The following MYH10 variants were observed in gnomAD, a reference collection of about 807,000 sequenced individuals.
The protein encoded by MYH10 is myosin heavy chain 10, also known as myosin-10.
A neutral mutation model predicts 257.8 loss-of-function variants in MYH10; 55 were observed. The observed-to-expected ratio is 0.21, with a 90% CI of 0.17 to 0.27. The LOEUF is 0.27. MYH10 is among the 10% of genes least tolerant of loss of function. The probability of loss-of-function intolerance (pLI) is 1.00; values close to 1 mark genes in which losing one functional copy is unlikely to be tolerated. For synonymous variants in MYH10, 854 were observed against 921.7 expected, an observed-to-expected ratio of 0.93 and a Z score of 1.33; for missense variants, 1,631 against 2,500.6, an observed-to-expected ratio of 0.65 and a Z score of 7.42.
At chr17:8,528,182 A>G (rs2081908265) in intron 17 of MYH10, among the ~76,000 whole-genome samples, 2 of 152,236 alleles carry the variant, frequency 1.3e-5, no homozygotes, top group Non-Finnish European at 2.9e-5. Flanking sequence ...AGGAAATTGC[A>G]GGTGCAGGTA....
At chr17:8,518,832 A>G (rs1418427308) in intron 20 of MYH10, 41 bp from the exon 21 acceptor site, 2 of 1,603,114 alleles carry the variant, frequency 1.2e-6, no homozygotes, top group Non-Finnish European at 1.7e-6. Flanking sequence ...TAACTACAAG[A>G]AAGATTAGAT....
At chr17:8,507,408 C>T (rs939229249) in intron 26 of MYH10, among the ~76,000 whole-genome samples, 1 of 152,240 alleles carries the variant, frequency 6.6e-6, no homozygotes, top group Non-Finnish European at 1.5e-5. Context: ...TCTCTAGCTG[C>T]TCTTTCCAAC....
rs1197703640 is a variant in MYH10, at chr17:8,623,090, C to G, written c.157G>C (p.Glu53Gln). 1.9e-6 allele frequency: 3 copies of G among 1,614,126 alleles called. No homozygotes were observed. The Admixed American group carries it at 5.0e-5, about 27-fold the overall frequency. ...TCCACCATAACTTCATCTCCCCGTT[C>G]TTCTTTGATACTAGCTGCCTCAAAA... ...HGFEAASIKE[E>Q]RGDEVMVELA... The change falls in exon 2 of 43, where the codon GAA becomes CAA. Residue 53 changes from glutamate (E) to glutamine (Q), a missense_variant. Physicochemically the swap from Glu to Gln is conservative, Grantham distance 29 (BLOSUM62 2). Around this residue, in one of 11 missense-constraint regions of MYH10, gnomAD observed 360 missense variants for 581.9 expected, o/e 0.62. Coordinates refer to ENST00000360416, the MANE Select transcript of MYH10 (RefSeq NM_001256012.3).
Position 8,477,310 on chromosome 17 carries a change from G to C in MYH10, c.5707-262C>G, listed in dbSNP as rs746106252. ...CTCTGTTTTTACCAGTGAGTTTTCT[G>C]CAGAAAAATGACAGCGTTTACTGTC... On this transcript the variant is annotated intron_variant, in intron 41 of 42. Coordinates refer to ENST00000360416, the MANE Select transcript of MYH10 (RefSeq NM_001256012.3). The surrounding 1 kb of genome is among the most constrained non-coding windows in gnomAD (Gnocchi z 4.2). Among the ~76,000 whole-genome samples the C allele has an allele frequency of 1.3e-5, 2 of 152,160 alleles. No individual in the cohort carries two copies. Among genetic ancestry groups the C allele is most frequent in the Non-Finnish European group, 2.9e-5 (2 of 68,030 alleles).
At chr17:8,530,022 A>C (rs1384143210) in intron 17 of MYH10, among the ~76,000 whole-genome samples, 1 of 152,236 alleles carries the variant, frequency 6.6e-6, no homozygotes, top group Non-Finnish European at 1.5e-5. Flanking sequence ...CTCAACTTGC[A>C]CATATCAGGC....
chr17:8,567,251 C>T (rs566776122), intron 7 of MYH10, among the ~76,000 whole-genome samples: 5 of 152,254 alleles, frequency 3.3e-5, no homozygotes, highest in Middle Eastern at 3.4e-3. Flanking sequence ...CGTTTCTAAA[C>T]CCACGAGTCA....
In MYH10 at chr17:8,521,443, G is replaced by C; in HGVS notation, c.1958-158C>G. 4.3e-6 allele frequency: 3 copies of C among 690,584 alleles called. No individual in the cohort carries two copies. The South Asian group carries it at 5.6e-5, about 13-fold the overall frequency. The allele number at this position is 690,584 out of a possible 1,614,324, so 42.8% of individuals were successfully genotyped here. On this transcript the variant is annotated intron_variant, in intron 17 of 42. Transcript: ENST00000360416. ...GTCAGCATACTTAGGCACTGCACAA[G>C]CCGGGAACTAACAGCCACACACTTA...
At position 8,477,084 on chromosome 17, in the gene MYH10, T is replaced by C; in HGVS notation, c.5707-36A>G. Reference sequence around the variant, plus strand: ...GTACATGAACCAAAACAAACCAAACTGGTGAATCCAGTGTCGGCCTCTCTG... The same window carrying C: ...GTACATGAACCAAAACAAACCAAACCGGTGAATCCAGTGTCGGCCTCTCTG... On this transcript the variant is annotated intron_variant, in intron 41 of 42. Transcript: ENST00000360416. The surrounding 1 kb of genome is among the most constrained non-coding windows in gnomAD (Gnocchi z 4.2). The C allele has an allele frequency of 6.2e-7, 1 of 1,610,154 alleles. No homozygotes were observed. The highest frequency in any genetic ancestry group is 8.5e-7 in the Non-Finnish European group (1 of 1,177,970).
At chr17:8,623,315 G>A (rs919930290) in intron 1 of MYH10, 38 bp from the exon 2 acceptor site, 25 of 1,492,250 alleles carry the variant, frequency 1.7e-5, no homozygotes, top group Non-Finnish European at 2.2e-5. Flanking sequence ...AGATGTTTAA[G>A]AAACAAAAGA....
chr17:8,567,743 C>T (rs1035025642), intron 7 of MYH10, among the ~76,000 whole-genome samples: 1 of 152,206 alleles, frequency 6.6e-6, no homozygotes, highest in Admixed American at 6.5e-5. Flanking sequence ...AGAGAACTAA[C>T]ATAACCAACT....
intron 3 of MYH10, among the ~76,000 whole-genome samples, chr17:8,602,693 C>T (rs2084657053): frequency 1.3e-5 from 2 of 152,162 alleles, no homozygotes; most frequent in Non-Finnish European, 2.9e-5. Context: ...TTAACTTTCA[C>T]ATGGAGGTTT....
chr17:8,605,095 T>C (rs1038167173), intron 2 of MYH10, 113 bp from the exon 3 acceptor site: 1 of 545,608 alleles, frequency 1.8e-6, no homozygotes, highest in African/African-American at 2.0e-5. Flanking sequence ...CTTTACCTTT[T>C]GGATAATTAA....
chr17:8,495,511 CCTT>C (rs761866253), intron 30 of MYH10, among the ~76,000 whole-genome samples: 2 of 152,100 alleles, frequency 1.3e-5, no homozygotes, highest in Non-Finnish European at 2.9e-5. Flanking sequence ...TGGTTTCCTA[CCTT>C]CTTCTATTTT....
rs544979103 is a variant in MYH10, at chr17:8,547,674, G to C, written c.1159+639C>G. ...ATAATCAAGCAGTCAAGGCAATATAGAGATTCCTCACTTTTTCTCTCCAGA... is the reference window on the plus strand; with the variant it reads ...ATAATCAAGCAGTCAAGGCAATATACAGATTCCTCACTTTTTCTCTCCAGA... On this transcript the variant is annotated intron_variant, in intron 11 of 42. Coordinates refer to ENST00000360416, the MANE Select transcript of MYH10 (RefSeq NM_001256012.3). Among the ~76,000 whole-genome samples, 19 of 150,318 alleles carry C rather than the reference G, an allele frequency of 1.3e-4. No homozygotes were observed. In the South Asian group the frequency reaches 4.0e-3, roughly 32 times the overall value.
chr17:8,493,402 T>C (rs1255158929), intron 32 of MYH10, among the ~76,000 whole-genome samples: 1 of 152,146 alleles, frequency 6.6e-6, no homozygotes, highest in Admixed American at 6.5e-5. Flanking sequence ...AAAAACCTTT[T>C]GTTTTTAATA....
intron 7 of MYH10, among the ~76,000 whole-genome samples, chr17:8,557,306 T>TA (rs1486084812): frequency 1.3e-5 from 2 of 151,850 alleles, no homozygotes; most frequent in Non-Finnish European, 2.9e-5. Flanking sequence ...ATTTTCCTAT[T>TA]AAAAAAAACC....
chr17:8,483,925 A>C (rs1914304741), intron 37 of MYH10, among the ~76,000 whole-genome samples: 1 of 152,212 alleles, frequency 6.6e-6, no homozygotes, highest in Non-Finnish European at 1.5e-5. Flanking sequence ...AGAGGAATAT[A>C]TGTGAGCAGT....
chr17:8,542,904 A>T (rs552876468), intron 13 of MYH10, among the ~76,000 whole-genome samples: 1 of 152,272 alleles, frequency 6.6e-6, no homozygotes, highest in Admixed American at 6.5e-5. Context: ...TCCCTTATCA[A>T]ATGTTTGACC....
At chr17:8,484,337 G>GA (rs1914395176) in intron 36 of MYH10, 71 bp from the exon 37 acceptor site, 1 of 1,465,146 alleles carries the variant, frequency 6.8e-7, no homozygotes, top group African/African-American at 1.4e-5. Flanking sequence ...TTTTTTTAGA[G>GA]ATGAGCCCTG....
Sources: gnomAD v4.1 joint callset for allele counts (sites outside exome capture counted in the v4.1 genomes callset) on GRCh38, gnomAD v4.1.1 for gene constraint, gnomAD v4.1.1 regional missense constraint, Gnocchi (gnomAD v3.1) non-coding constraint, MANE v1.5 for transcripts, NCBI Gene and HGNC (gene_info 2026-07-23, HGNC 2026-07-21) for gene names.